The following PREX2 variants were observed in gnomAD, a reference collection of about 807,000 sequenced individuals.
PREX2 encodes the protein phosphatidylinositol-3,4,5-trisphosphate dependent Rac exchange factor 2, also known as phosphatidylinositol 3,4,5-trisphosphate-dependent Rac exchanger 2 protein.
In PREX2, 107 loss-of-function variants were observed where a neutral mutation model predicts 203.2. The ratio of observed to expected loss-of-function variants is 0.53; its 90% CI spans 0.45 to 0.62. The LOEUF is 0.62. Ranked by LOEUF, PREX2 falls within the 20% of genes least tolerant of loss-of-function variation. The pLI is 0.00. For synonymous variants in PREX2, 672 were observed against 663.6 expected (o/e 1.01, Z -0.19); for missense variants, 1,777 against 1,955.9 (o/e 0.91, Z 1.72).
intron 37 of PREX2, among the ~76,000 whole-genome samples, chr8:68,197,789 A>ATT (rs949895708): frequency 6.7e-5 from 10 of 148,518 alleles, no homozygotes; most frequent in African/African-American, 2.4e-4. Context: ...TATATGCTAT[A>ATT]TTATATATAT....
intron 33 of PREX2, among the ~76,000 whole-genome samples, chr8:68,145,647 G>T (rs930808324): frequency 6.6e-6 from 1 of 151,964 alleles, no homozygotes; most frequent in Non-Finnish European, 1.5e-5. Context: ...CAAGTTGATT[G>T]GTTTTTTTTT....
chr8:68,051,099 GT>G (rs376214160), intron 8 of PREX2, among the ~76,000 whole-genome samples: 122 of 152,206 alleles, frequency 8.0e-4, no homozygotes, highest in African/African-American at 2.7e-3. Flanking sequence ...GAAGAGGCCA[GT>G]GACCAGACTC....
rs185981836 is a variant in PREX2, at chr8:68,230,864, A to G, written c.4776-469A>G. 2.2e-3 allele frequency among the ~76,000 whole-genome samples: 338 copies of G among 152,246 alleles called. 1 individual carries two copies. Among genetic ancestry groups the G allele is most frequent in the African/African-American group, 7.9e-3 (328 of 41,550 alleles). On this transcript the variant is annotated intron_variant, in intron 39 of 39. Transcript: ENST00000288368. Reference sequence around the variant, plus strand: ...TGCCATGTCAGCCTATCCACAGCCAACTGCCTGCACTCTGGGGATAGTACA... The same window carrying G: ...TGCCATGTCAGCCTATCCACAGCCAGCTGCCTGCACTCTGGGGATAGTACA...
At chr8:68,081,332 C>T (rs1273932894) in intron 17 of PREX2, among the ~76,000 whole-genome samples, 1 of 152,158 alleles carries the variant, frequency 6.6e-6, no homozygotes, top group African/African-American at 2.4e-5. Context: ...ACTCGCCCGC[C>T]GCTCACCTCC....
chr8:68,049,677 A>G (rs545899611), intron 8 of PREX2, among the ~76,000 whole-genome samples: 1 of 152,248 alleles, frequency 6.6e-6, no homozygotes, highest in South Asian at 2.1e-4. Flanking sequence ...TTTAAAACCT[A>G]TTCTTCCTAT....
chr8:67,988,617 C>T (rs1403385918), intron 1 of PREX2, among the ~76,000 whole-genome samples: 1 of 152,218 alleles, frequency 6.6e-6, no homozygotes, highest in Non-Finnish European at 1.5e-5. Context: ...TTCCCATCTT[C>T]TCTGTTTCCC....
chr8:68,030,360 A>G, intron 5 of PREX2, 137 bp from the exon 6 acceptor site: 1 of 692,942 alleles, frequency 1.4e-6, no homozygotes, highest in South Asian at 3.1e-5. Context: ...TTTATTTTTG[A>G]TCTTAGAGGA....
At chr8:68,135,776 A>G (rs1811103738) in intron 32 of PREX2, among the ~76,000 whole-genome samples, 1 of 152,208 alleles carries the variant, frequency 6.6e-6, no homozygotes, top group Non-Finnish European at 1.5e-5. Flanking sequence ...TTGTATGCAA[A>G]CATTCCTAGC....
At chr8:68,000,344 C>T (rs10957411) in intron 1 of PREX2, among the ~76,000 whole-genome samples, 104,279 of 151,982 alleles carry the variant, frequency 0.69, 36,013 homozygotes, top group South Asian at 0.81. Context: ...TGCAATTCCA[C>T]TTGCAGTTGC....
intron 39 of PREX2, among the ~76,000 whole-genome samples, chr8:68,226,480 T>C (rs925905689): frequency 6.6e-6 from 1 of 152,146 alleles, no homozygotes; most frequent in African/African-American, 2.4e-5. Flanking sequence ...GGTAAGGCCA[T>C]CCATGAGCAA....
chr8:68,105,409 G>A (rs754834658), intron 23 of PREX2: 2 of 1,287,552 alleles, frequency 1.6e-6, no homozygotes. Context: ...ACAGTACACA[G>A]CCCTTCCTAG....
chr8:68,156,667 G>T lies in PREX2; in HGVS notation c.4232-655G>T, dbSNP rs573115120. 1.5e-4 allele frequency among the ~76,000 whole-genome samples: 23 copies of T among 152,292 alleles called. 1 individual carries two copies. In the South Asian group the frequency reaches 4.6e-3, roughly 30 times the overall value. ...TAAGGAATAGTGACTAAATCTGAAA[G>T]AGGTAGCTTTGAACTTAGGCTTAAA... On this transcript the variant is annotated intron_variant, in intron 34 of 39. Transcript: ENST00000288368.
chr8:68,198,775 T>C (rs111440845), intron 37 of PREX2, among the ~76,000 whole-genome samples: 1 of 152,146 alleles, frequency 6.6e-6, no homozygotes, highest in African/African-American at 2.4e-5. Flanking sequence ...CTAGTGAAGG[T>C]GAGAAATCTG....
chr8:68,231,311 A>C (rs746017846), intron 39 of PREX2, 22 bp from the exon 40 acceptor site: 46 of 1,564,088 alleles, frequency 2.9e-5, no homozygotes, highest in Middle Eastern at 3.4e-4. Context: ...GTCACTGTCA[A>C]ACTTTACCAT....
intron 37 of PREX2, among the ~76,000 whole-genome samples, chr8:68,192,885 A>T (rs902663971): frequency 3.9e-5 from 6 of 152,206 alleles, no homozygotes; most frequent in African/African-American, 1.4e-4. Context: ...CCTTTGATAG[A>T]CATTCCACTA....
intron 1 of PREX2, among the ~76,000 whole-genome samples, chr8:67,957,471 C>A (rs1805523769): frequency 6.6e-6 from 1 of 152,164 alleles, no homozygotes; most frequent in African/African-American, 2.4e-5. Flanking sequence ...AGGATTGTCA[C>A]CCTGGCTTCT....
intron 22 of PREX2, among the ~76,000 whole-genome samples, chr8:68,098,670 A>G (rs1810162038): frequency 6.6e-6 from 1 of 151,596 alleles, no homozygotes; most frequent in Non-Finnish European, 1.5e-5. Context: ...TATCACTTGG[A>G]TTTTACACAT....
intron 23 of PREX2, among the ~76,000 whole-genome samples, chr8:68,104,776 T>A (rs1810360024): frequency 6.6e-6 from 1 of 152,198 alleles, no homozygotes; most frequent in Non-Finnish European, 1.5e-5. Flanking sequence ...CTGAGGGCAG[T>A]ACCTGATGCA....
intron 22 of PREX2, among the ~76,000 whole-genome samples, chr8:68,098,965 TA>T (rs1810177122): frequency 8.6e-6 from 1 of 116,368 alleles, no homozygotes; most frequent in Non-Finnish European, 2.0e-5. Flanking sequence ...TATATATATA[TA>T]TATATATATA....
Sources: gnomAD v4.1 joint callset for allele counts (sites outside exome capture counted in the v4.1 genomes callset) on GRCh38, gnomAD v4.1.1 for gene constraint, MANE v1.5 for transcripts, NCBI Gene and HGNC (gene_info 2026-07-23, HGNC 2026-07-21) for gene names.